Variants in CACHD1 observed in about 807,000 individuals in gnomAD.
CACHD1 encodes the protein VWFA and cache domain-containing protein 1.
In CACHD1, 71 loss-of-function variants were observed where a neutral mutation model predicts 138.7. The ratio of observed to expected loss-of-function variants is 0.51; its 90% CI spans 0.42 to 0.62. CACHD1 has a LOEUF of 0.62. Among genes scored for constraint, CACHD1 ranks in the 20% least tolerant of loss-of-function variants. CACHD1 has a pLI of 0.00. For synonymous variants in CACHD1, 578 were observed against 591.5 expected (o/e 0.98, Z 0.33); for missense variants, 1,389 against 1,625.3 (o/e 0.85, Z 2.50).
At chr1:64,631,248 C>G (rs1648293972) in intron 5 of CACHD1, among the ~76,000 whole-genome samples, 1 of 152,222 alleles carries the variant, frequency 6.6e-6, no homozygotes, top group African/African-American at 2.4e-5. Flanking sequence ...ATCCACCCAT[C>G]TAGCTTGGAG....
At position 64,625,166 on chromosome 1, in the gene CACHD1, G is replaced by A. The variant is rs909718428; in HGVS notation, c.518-4189G>A. Among the ~76,000 whole-genome samples the A allele has an allele frequency of 2.0e-5, 3 of 152,218 alleles. No homozygotes were observed. The East Asian group carries it at 5.8e-4, about 29-fold the overall frequency. On this transcript the variant is annotated intron_variant, in intron 4 of 26. Coordinates refer to ENST00000651257, the MANE Select transcript of CACHD1 (RefSeq NM_020925.4). ...TGGTCATTTAAAGCAGTGAGGGATA[G>A]GGGATGAGTGGGAATTCTAAAGTGT...
Position 64,676,000 on chromosome 1 carries a change from T to A in CACHD1, c.2975+17T>A. 1 of 119,514 alleles carries A rather than the reference T, an allele frequency of 8.4e-6. No homozygotes were observed. The highest frequency in any genetic ancestry group is 1.1e-5 in the Non-Finnish European group (1 of 92,078). 7.4% of individuals were successfully genotyped at this position (119,514 alleles called of 1,614,324 possible). On this transcript the variant is annotated intron_variant, in intron 21 of 26. Transcript: ENST00000651257. Reference sequence around the variant, plus strand: ...AGAGAACCGGTAAAATAATTAATAATAATAATAATAATAATAATAATAATA... The same window carrying A: ...AGAGAACCGGTAAAATAATTAATAAAAATAATAATAATAATAATAATAATA...
intron 4 of CACHD1, among the ~76,000 whole-genome samples, chr1:64,605,440 T>C (rs1423854382): frequency 6.6e-6 from 1 of 152,202 alleles, no homozygotes; most frequent in Non-Finnish European, 1.5e-5. Flanking sequence ...GCATTTGCTG[T>C]TTTTATAATC....
Position 64,671,583 on chromosome 1 carries a change from C to T in CACHD1, c.2407C>T (p.His803Tyr), listed in dbSNP as rs150753140. 18 of 1,613,958 alleles carry T rather than the reference C, an allele frequency of 1.1e-5. No homozygotes were observed. The African/African-American group carries it at 1.3e-4, about 12-fold the overall frequency. The change falls in exon 17 of 27, where the codon CAC becomes TAC. Residue 803 changes from histidine (H) to tyrosine (Y), a missense_variant. This residue lies in a region of CACHD1 where 1,000 missense variants were observed against 1,114.7 expected (regional missense o/e 0.90). Transcript: ENST00000651257. ...HSSSTQLSSGHTVAVMGIDFT... is the reference protein window; with the variant it reads ...HSSSTQLSSGYTVAVMGIDFT... ...TTAAAGTACACAGCTGTCTTCTGGGCACACTGTGGCTGTGATGGGCATTGA... is the reference window on the plus strand; with the variant it reads ...TTAAAGTACACAGCTGTCTTCTGGGTACACTGTGGCTGTGATGGGCATTGA...
intron 2 of CACHD1, among the ~76,000 whole-genome samples, chr1:64,581,551 T>A (rs1367956142): frequency 1.3e-5 from 2 of 152,216 alleles, no homozygotes. Flanking sequence ...GAAAGACATT[T>A]GTTCATCTTA....
chr1:64,660,039 A>G (rs4567313), intron 13 of CACHD1, among the ~76,000 whole-genome samples: 2,473 of 152,296 alleles, frequency 0.016, 72 homozygotes, highest in African/African-American at 0.057. Flanking sequence ...TGTTGATCCA[A>G]GAAGGCAGGA....
At chr1:64,608,081 A>G (rs1647394486) in intron 4 of CACHD1, among the ~76,000 whole-genome samples, 1 of 152,148 alleles carries the variant, frequency 6.6e-6, no homozygotes, top group South Asian at 2.1e-4. Context: ...GAATTTTTAT[A>G]TTTCTGTGAG....
chr1:64,628,742 G>A (rs1293530173), intron 4 of CACHD1, among the ~76,000 whole-genome samples: 1 of 152,202 alleles, frequency 6.6e-6, no homozygotes, highest in African/African-American at 2.4e-5. Context: ...CTCCAAAGTA[G>A]TGATAACAAT....
rs571920432 is a variant in CACHD1, at chr1:64,610,311, G to C, written c.517+7399G>C. 7.2e-5 allele frequency among the ~76,000 whole-genome samples: 11 copies of C among 152,254 alleles called. No individual in the cohort carries two copies. The Middle Eastern group carries it at 0.01, about 141-fold the overall frequency. ...CATGCCCTTCTAAGAGTCCCCCAAA[G>C]TCTTAACTCATTCCAGGATTAACTC... is the stretch of plus-strand genomic sequence containing the variant. On this transcript the variant is annotated intron_variant, in intron 4 of 26. Transcript: ENST00000651257.
intron 3 of CACHD1, among the ~76,000 whole-genome samples, chr1:64,583,789 G>A (rs567473343): frequency 2.6e-5 from 4 of 152,078 alleles, no homozygotes; most frequent in African/African-American, 9.7e-5. Flanking sequence ...GTGTACAGGG[G>A]AGCTGCCCTT....
intron 1 of CACHD1, among the ~76,000 whole-genome samples, chr1:64,512,591 C>T (rs957158094): frequency 2.6e-5 from 4 of 151,978 alleles, no homozygotes; most frequent in African/African-American, 9.7e-5. Context: ...ACACACACAC[C>T]CCTGCCAATT....
At position 64,691,534 on chromosome 1, in the gene CACHD1, G is replaced by A. The variant is rs183736779; in HGVS notation, c.3798G>A (p.Thr1266=). ...HHSHHLQAAV[T]VHTVDAEC ...GCCACCACTTACAGGCGGCCGTCAC[G>A]GTACACACTGTCGATGCAGAATGCT... The change falls in exon 27 of 27, where the codon ACG becomes ACA. Residue 1266 remains threonine, a synonymous_variant. Coordinates refer to ENST00000651257, the MANE Select transcript of CACHD1 (RefSeq NM_020925.4). The A allele has an allele frequency of 2.0e-5, 32 of 1,613,882 alleles. No homozygotes were observed. In the Admixed American group the frequency reaches 3.5e-4, roughly 18 times the overall value.
chr1:64,675,991 A>AATT lies in CACHD1; in HGVS notation c.2975+10_2975+12dup. 1 of 686,550 alleles carries AATT rather than the reference A, an allele frequency of 1.5e-6. No homozygotes were observed. The highest frequency in any genetic ancestry group is 2.5e-5 in the African/African-American group (1 of 40,120). 42.5% of individuals were successfully genotyped at this position (686,550 alleles called of 1,614,324 possible). On this transcript the variant is annotated intron_variant, in intron 21 of 26. Transcript: ENST00000651257. ...CACCAATGCAGAGAACCGGTAAAAT[A>AATT]ATTAATAATAATAATAATAATAATA... is the stretch of plus-strand genomic sequence containing the variant.
At chr1:64,660,623 T>G (rs2100696736) in intron 13 of CACHD1, among the ~76,000 whole-genome samples, 1 of 152,194 alleles carries the variant, frequency 6.6e-6, no homozygotes, top group Admixed American at 6.5e-5. Context: ...CTCCGTCTCC[T>G]GGGTTCAGGT....
intron 1 of CACHD1, among the ~76,000 whole-genome samples, chr1:64,483,049 G>A (rs997942216): frequency 1.3e-5 from 2 of 152,118 alleles, no homozygotes; most frequent in African/African-American, 4.8e-5. Context: ...TTTTACTACT[G>A]TGTTTAATGT....
chr1:64,600,248 C>T (rs1484288649), intron 3 of CACHD1, among the ~76,000 whole-genome samples: 2 of 152,158 alleles, frequency 1.3e-5, no homozygotes, highest in Non-Finnish European at 2.9e-5. Flanking sequence ...TACCAGTGCT[C>T]ATGCAGAAAG....
intron 1 of CACHD1, among the ~76,000 whole-genome samples, chr1:64,502,750 T>C (rs1646347413): frequency 6.6e-6 from 1 of 152,130 alleles, no homozygotes; most frequent in Admixed American, 6.6e-5. Context: ...AAATTTGTGG[T>C]AAGTAGAAGA....
At chr1:64,533,839 G>A (rs1459512778) in intron 1 of CACHD1, among the ~76,000 whole-genome samples, 3 of 144,082 alleles carry the variant, frequency 2.1e-5, no homozygotes, top group Admixed American at 1.5e-4. Flanking sequence ...TGCAAGCTCC[G>A]CCTCCTGGGT....
intron 12 of CACHD1, 64 bp downstream of exon 12, chr1:64,654,867 G>A (rs1649214712): frequency 8.0e-7 from 1 of 1,242,324 alleles, no homozygotes; most frequent in Non-Finnish European, 1.2e-6. Flanking sequence ...CTTCATGTTG[G>A]AATTCTCAGC....
Sources: gnomAD v4.1 joint callset for allele counts (sites outside exome capture counted in the v4.1 genomes callset) on GRCh38, gnomAD v4.1.1 for gene constraint, gnomAD v4.1.1 regional missense constraint, MANE v1.5 for transcripts, NCBI Gene and HGNC (gene_info 2026-07-23, HGNC 2026-07-21) for gene names.